The following ZNF804B variants were observed in gnomAD, a reference collection of about 807,000 sequenced individuals.
ZNF804B encodes the protein zinc finger protein 804B, also known as zinc finger 804B.
A neutral mutation model predicts 101.4 loss-of-function variants in ZNF804B; 80 were observed. That is an observed-to-expected ratio of 0.79 (90% CI 0.66 to 0.95). ZNF804B has a LOEUF of 0.95. ZNF804B is among the 40% of genes least tolerant of loss of function. The probability of loss-of-function intolerance (pLI) is 0.00; values close to 1 mark genes in which losing one functional copy is unlikely to be tolerated. For missense variants in ZNF804B, 1,673 were observed against 1,561.9 expected (o/e 1.07, Z -1.20); for synonymous variants, 622 against 558.8 (o/e 1.11, Z -1.59).
At chr7:89,020,975 A>G (rs568664255) in intron 1 of ZNF804B, among the ~76,000 whole-genome samples, 3 of 152,162 alleles carry the variant, frequency 2.0e-5, no homozygotes, top group South Asian at 2.1e-4. Flanking sequence ...GATGATTATT[A>G]TCTGTTACTA....
At chr7:89,076,516 G>A (rs1789617100) in intron 1 of ZNF804B, among the ~76,000 whole-genome samples, 1 of 151,998 alleles carries the variant, frequency 6.6e-6, no homozygotes, top group Non-Finnish European at 1.5e-5. Context: ...CCCAGTCTCA[G>A]GTATGTCTTC....
At chr7:88,829,601 A>C (rs1365471367) in intron 1 of ZNF804B, among the ~76,000 whole-genome samples, 2 of 152,094 alleles carry the variant, frequency 1.3e-5, no homozygotes, top group African/African-American at 4.8e-5. Flanking sequence ...GTCTCATATA[A>C]TAAAGCTGGA....
intron 1 of ZNF804B, among the ~76,000 whole-genome samples, chr7:88,985,830 T>C (rs930571252): frequency 6.6e-6 from 1 of 152,082 alleles, no homozygotes; most frequent in Non-Finnish European, 1.5e-5. Flanking sequence ...TCATTCCTCA[T>C]TAGTAAAGTC....
At chr7:89,239,725 G>C (rs1040724227) in intron 2 of ZNF804B, among the ~76,000 whole-genome samples, 1 of 151,622 alleles carries the variant, frequency 6.6e-6, no homozygotes, top group African/African-American at 2.4e-5. Flanking sequence ...ACATTGAGTG[G>C]GGAATAGAAG....
chr7:88,875,723 C>T lies in ZNF804B; in HGVS notation c.108+115639C>T, dbSNP rs867484766. Reference sequence around the variant, plus strand: ...CAGATGGATTCACAGCCGAATTCTACCAGAGGTACAAGGAGGAACTGGTAC... The same window carrying T: ...CAGATGGATTCACAGCCGAATTCTATCAGAGGTACAAGGAGGAACTGGTAC... On this transcript the variant is annotated intron_variant, in intron 1 of 3. Transcript: ENST00000333190. Among the ~76,000 whole-genome samples, 24 of 152,132 alleles carry T rather than the reference C, an allele frequency of 1.6e-4. 1 individual carries two copies. The highest frequency in any genetic ancestry group is 5.8e-4 in the African/African-American group (24 of 41,480).
intron 2 of ZNF804B, among the ~76,000 whole-genome samples, chr7:89,282,529 G>T (rs946385843): frequency 3.3e-5 from 5 of 152,136 alleles, no homozygotes; most frequent in African/African-American, 1.2e-4. Flanking sequence ...AATAATAAAT[G>T]TGATGGGCTG....
chr7:89,037,400 A>G (rs554316264), intron 1 of ZNF804B, among the ~76,000 whole-genome samples: 12 of 152,118 alleles, frequency 7.9e-5, no homozygotes, highest in Non-Finnish European at 1.8e-4. Context: ...AACCAAATCA[A>G]TTTAACACAT....
In ZNF804B at chr7:89,144,577, T is replaced by A. The variant is rs114978416; in HGVS notation, c.109-73578T>A. 1.7e-3 allele frequency among the ~76,000 whole-genome samples: 262 copies of A among 151,842 alleles called. 2 individuals are homozygous for A. Among genetic ancestry groups the A allele is most frequent in the African/African-American group, 6.1e-3 (252 of 41,438 alleles). On this transcript the variant is annotated intron_variant, in intron 1 of 3. Transcript: ENST00000333190. Reference sequence around the variant, plus strand: ...TGGACAAGGAAAAGGGAGATGTTGATCAAAAGGTATAAGGTTTCAGTTAGA... The same window carrying A: ...TGGACAAGGAAAAGGGAGATGTTGAACAAAAGGTATAAGGTTTCAGTTAGA...
chr7:89,189,164 T>C (rs1788418355), intron 1 of ZNF804B, among the ~76,000 whole-genome samples: 1 of 152,192 alleles, frequency 6.6e-6, no homozygotes, highest in Non-Finnish European at 1.5e-5. Flanking sequence ...CTATTCTGAC[T>C]GTGCTCTATA....
rs145765437 is a variant in ZNF804B, at chr7:88,807,540, A to G, written c.108+47456A>G. Among the ~76,000 whole-genome samples the G allele has an allele frequency of 3.9e-5, 6 of 152,290 alleles. No homozygotes were observed. In the East Asian group the frequency reaches 1.2e-3, roughly 29 times the overall value. ...GCTGCAGCAATATCTGGGAAATACA[A>G]TCAGTGTGTCTGAAGCCAGCATCTA... is the stretch of plus-strand genomic sequence containing the variant. On this transcript the variant is annotated intron_variant, in intron 1 of 3. Coordinates refer to ENST00000333190, the MANE Select transcript of ZNF804B (RefSeq NM_181646.5).
chr7:88,771,758 A>C (rs1039702271), intron 1 of ZNF804B, among the ~76,000 whole-genome samples: 1 of 152,142 alleles, frequency 6.6e-6, no homozygotes, highest in Non-Finnish European at 1.5e-5. Context: ...TTAATATTAC[A>C]TGCCAATTTT....
At position 89,301,331 on chromosome 7, in the gene ZNF804B, G is replaced by A. The variant is rs565309047; in HGVS notation, c.250-26013G>A. On this transcript the variant is annotated intron_variant, in intron 2 of 3. Coordinates refer to ENST00000333190, the MANE Select transcript of ZNF804B (RefSeq NM_181646.5). Reference sequence around the variant, plus strand: ...CTAAATAAAGTGGCCTGCAGTCGTTGATCTTGACAGGACAATGCAATAGCT... The same window carrying A: ...CTAAATAAAGTGGCCTGCAGTCGTTAATCTTGACAGGACAATGCAATAGCT... Among the ~76,000 whole-genome samples the A allele has an allele frequency of 2.0e-5, 3 of 149,852 alleles. No individual in the cohort carries two copies. The South Asian group carries it at 6.3e-4, about 31-fold the overall frequency.
At chr7:88,794,942 T>G (rs200123541) in intron 1 of ZNF804B, 3 of 1,559,886 alleles carry the variant, frequency 1.9e-6, no homozygotes, top group Non-Finnish European at 1.7e-6. Flanking sequence ...GAAAAGGACA[T>G]GAGGAGTCTT....
chr7:88,886,277 A>G lies in ZNF804B; in HGVS notation c.108+126193A>G, dbSNP rs184956578. Among the ~76,000 whole-genome samples the G allele has an allele frequency of 2.4e-4, 36 of 152,100 alleles. No individual in the cohort carries two copies. The East Asian group carries it at 6.4e-3, about 27-fold the overall frequency. ...TTGCTCTGCATGGATGTATATTTGT[A>G]GGTGTGGGTAGGTGTTGATGTCTAC... On this transcript the variant is annotated intron_variant, in intron 1 of 3. Coordinates refer to ENST00000333190, the MANE Select transcript of ZNF804B (RefSeq NM_181646.5).
chr7:88,763,178 CAT>C (rs1170105879), intron 1 of ZNF804B, among the ~76,000 whole-genome samples: 19 of 152,064 alleles, frequency 1.2e-4, no homozygotes, highest in African/African-American at 4.3e-4. Flanking sequence ...GTTCAAATCA[CAT>C]GTCTGTAAAA....
intron 1 of ZNF804B, among the ~76,000 whole-genome samples, chr7:88,869,872 C>T (rs549793102): frequency 2.8e-4 from 43 of 152,186 alleles, no homozygotes; most frequent in Non-Finnish European, 5.4e-4. Context: ...AGGCTTCTTA[C>T]CTAGGTTTCC....
chr7:88,954,707 A>G (rs769661370), intron 1 of ZNF804B, among the ~76,000 whole-genome samples: 4 of 151,670 alleles, frequency 2.6e-5, no homozygotes, highest in Non-Finnish European at 5.9e-5. Flanking sequence ...AGGTATCTTT[A>G]GTTTCCTTTC....
chr7:89,154,495 G>A (rs1790924725), intron 1 of ZNF804B, among the ~76,000 whole-genome samples: 1 of 152,136 alleles, frequency 6.6e-6, no homozygotes, highest in African/African-American at 2.4e-5. Flanking sequence ...TAAAGAAAAT[G>A]TGGTACTTAC....
At chr7:89,274,849 C>T (rs907928576) in intron 2 of ZNF804B, among the ~76,000 whole-genome samples, 1 of 151,864 alleles carries the variant, frequency 6.6e-6, no homozygotes, top group Non-Finnish European at 1.5e-5. Context: ...TTTTCAGTCT[C>T]ACTGTGGATT....
Sources: gnomAD v4.1 joint callset for allele counts (sites outside exome capture counted in the v4.1 genomes callset) on GRCh38, gnomAD v4.1.1 for gene constraint, MANE v1.5 for transcripts, NCBI Gene and HGNC (gene_info 2026-07-23, HGNC 2026-07-21) for gene names.